The following PALM2AKAP2 variants were observed in gnomAD, a reference collection of about 807,000 sequenced individuals.
The protein encoded by PALM2AKAP2 is PALM2-AKAP2 fusion protein.
Under a neutral mutation model 71.5 loss-of-function variants are expected in PALM2AKAP2, and 37 were observed. The observed-to-expected ratio is 0.52, with a 90% CI of 0.40 to 0.68. PALM2AKAP2 has a LOEUF of 0.68. Among genes scored for constraint, PALM2AKAP2 ranks in the 30% least tolerant of loss-of-function variants. PALM2AKAP2 has a pLI of 0.00. For missense variants in PALM2AKAP2, 1,224 were observed against 1,191.8 expected, an observed-to-expected ratio of 1.03 and a Z score of -0.40; for synonymous variants, 468 against 478.8, an observed-to-expected ratio of 0.98 and a Z score of 0.29.
intron 1 of PALM2AKAP2, among the ~76,000 whole-genome samples, chr9:109,685,971 T>C (rs935935145): frequency 6.6e-6 from 1 of 152,230 alleles, no homozygotes; most frequent in Non-Finnish European, 1.5e-5. Context: ...TCAACAATGC[T>C]CACAGCATCT....
intron 1 of PALM2AKAP2, among the ~76,000 whole-genome samples, chr9:109,789,529 A>G (rs1358047198): frequency 6.6e-6 from 1 of 152,196 alleles, no homozygotes. Flanking sequence ...TCTTTGTACC[A>G]TGCATTTTTT....
intron 1 of PALM2AKAP2, among the ~76,000 whole-genome samples, chr9:109,843,621 G>C (rs1251098824): frequency 6.6e-6 from 1 of 152,128 alleles, no homozygotes; most frequent in Non-Finnish European, 1.5e-5. Flanking sequence ...TGCAGGGGCT[G>C]GCCCATGAGA....
intron 1 of PALM2AKAP2, among the ~76,000 whole-genome samples, chr9:109,797,920 C>T (rs1216455118): frequency 6.6e-6 from 1 of 152,096 alleles, no homozygotes; most frequent in Non-Finnish European, 1.5e-5. Context: ...TATAAAGGTT[C>T]TGTATTAGTT....
At chr9:110,079,589 GA>G (rs563292706) in intron 1 of PALM2AKAP2, among the ~76,000 whole-genome samples, 255 of 151,446 alleles carry the variant, frequency 1.7e-3, no homozygotes, top group African/African-American at 5.8e-3. Context: ...AAGACTTGGG[GA>G]AAAAAAAATC....
chr9:110,025,242 A>T (rs905436881), intron 7 of PALM2AKAP2: 7 of 1,136,786 alleles, frequency 6.2e-6, no homozygotes, highest in Non-Finnish European at 7.9e-6. Context: ...TGATGTCTAC[A>T]ATATCACCTT....
intron 6 of PALM2AKAP2, among the ~76,000 whole-genome samples, chr9:110,009,606 C>T (rs919694174): frequency 6.6e-6 from 1 of 151,334 alleles, no homozygotes; most frequent in Non-Finnish European, 1.5e-5. Context: ...CCCAACTACC[C>T]CAGAGGCTGA....
chr9:109,940,889 A>G lies in PALM2AKAP2; in HGVS notation c.496+8861A>G, dbSNP rs143769446. 9.8e-5 allele frequency among the ~76,000 whole-genome samples: 15 copies of G among 152,336 alleles called. No homozygotes were observed. The East Asian group carries it at 2.7e-3, about 27-fold the overall frequency. On this transcript the variant is annotated intron_variant, in intron 6 of 9. Coordinates refer to the PALM2AKAP2 transcript ENST00000302798. ...TATTTTCTAAAGACACAAGGAACCA[A>G]CAGAGGGTTTATGACTCAAGTAACT...
At chr9:109,943,141 C>T in intron 6 of PALM2AKAP2, 1 of 1,614,178 alleles carries the variant, frequency 6.2e-7, no homozygotes, top group South Asian at 1.1e-5. Flanking sequence ...TATGGGCTAC[C>T]AAAATATCGA....
At chr9:110,038,637 C>T (rs56050218) in intron 7 of PALM2AKAP2, among the ~76,000 whole-genome samples, 18 of 152,010 alleles carry the variant, frequency 1.2e-4, no homozygotes, top group Admixed American at 2.0e-4. Flanking sequence ...AAGAGAATTT[C>T]TCTTAAAAAA....
At chr9:109,679,475 G>A (rs915473206) in intron 1 of PALM2AKAP2, among the ~76,000 whole-genome samples, 2 of 152,176 alleles carry the variant, frequency 1.3e-5, no homozygotes, top group African/African-American at 4.8e-5. Flanking sequence ...GTATACCTTA[G>A]ATCCCAATCA....
At chr9:110,090,901 T>C (rs1372773111) in intron 1 of PALM2AKAP2, among the ~76,000 whole-genome samples, 1 of 152,208 alleles carries the variant, frequency 6.6e-6, no homozygotes, top group Non-Finnish European at 1.5e-5. Context: ...ACTAGGCACG[T>C]AGCTGTTAAG....
At chr9:109,779,458 T>A (rs1829398813), upstream of PALM2AKAP2, among the ~76,000 whole-genome samples, 1 of 152,250 alleles carries the variant, frequency 6.6e-6, no homozygotes, top group African/African-American at 2.4e-5. Context: ...ATGTCTGTGA[T>A]GCCCTTTACA....
chr9:110,159,382 G>C (rs1196634051), intron 3 of PALM2AKAP2, among the ~76,000 whole-genome samples: 2 of 152,106 alleles, frequency 1.3e-5, no homozygotes, highest in Non-Finnish European at 2.9e-5. Flanking sequence ...ATTTTTTCCA[G>C]TAAGCCACTT....
intron 1 of PALM2AKAP2, among the ~76,000 whole-genome samples, chr9:109,849,276 G>A (rs1828944403): frequency 1.3e-5 from 2 of 152,182 alleles, no homozygotes; most frequent in South Asian, 4.1e-4. Flanking sequence ...CTCTGCATTG[G>A]CATTCGTCAG....
chr9:110,060,883 G>T (rs1444403418), intron 1 of PALM2AKAP2, among the ~76,000 whole-genome samples: 1 of 152,106 alleles, frequency 6.6e-6, no homozygotes, highest in African/African-American at 2.4e-5. Context: ...TACAGCAGGA[G>T]TTTTTACTCT....
rs1440364037 is a variant in PALM2AKAP2, at chr9:110,138,370, G to C, written c.2400G>C (p.Leu800=). The C allele has an allele frequency of 2.5e-6, 4 of 1,614,124 alleles. No homozygotes were observed. The Admixed American group carries it at 5.0e-5, about 20-fold the overall frequency. ...ACGTGATGGTTGGGCCTTTCAAGCT[G>C]AGGTCCAGGAAACAGCGGACTTTGT... The change falls in exon 2 of 4, where the codon CTG becomes CTC. Residue 800 remains leucine, a synonymous_variant. Transcript: ENST00000374525.
At chr9:109,903,413 A>G (rs966531876) in intron 3 of PALM2AKAP2, among the ~76,000 whole-genome samples, 2 of 151,888 alleles carry the variant, frequency 1.3e-5, no homozygotes, top group African/African-American at 4.8e-5. Context: ...TAAAGTGATG[A>G]TCTCAATGAA....
chr9:109,991,006 T>C (rs1464542322), intron 6 of PALM2AKAP2, among the ~76,000 whole-genome samples: 4 of 152,138 alleles, frequency 2.6e-5, no homozygotes, highest in African/African-American at 7.2e-5. Flanking sequence ...CTCAGGGATA[T>C]GGGCTTCCTA....
chr9:110,145,139 G>A (rs984339696), intron 2 of PALM2AKAP2, among the ~76,000 whole-genome samples: 7 of 152,172 alleles, frequency 4.6e-5, no homozygotes, highest in Non-Finnish European at 1.0e-4. Context: ...AGCCACTGTG[G>A]CTCTGCAATC....
Sources: allele counts gnomAD v4.1 joint callset (sites outside exome capture counted in the v4.1 genomes callset), GRCh38; gene constraint gnomAD v4.1.1; transcripts MANE v1.5; gene names NCBI Gene and HGNC (gene_info 2026-07-23, HGNC 2026-07-21).